The following HLA-DRB5 variants were observed in gnomAD, a reference collection of about 807,000 sequenced individuals.
HLA-DRB5 encodes major histocompatibility complex, class II, DR beta 5.
In HLA-DRB5, 11 loss-of-function variants were observed where a neutral mutation model predicts 22.4. The ratio of observed to expected loss-of-function variants is 0.49; its 90% CI spans 0.31 to 0.81. HLA-DRB5 has a LOEUF of 0.81. HLA-DRB5 is among the 40% of genes least tolerant of loss of function. The pLI, the probability that HLA-DRB5 is intolerant of heterozygous loss-of-function variation, is 0.05. For missense variants in HLA-DRB5, 106 were observed against 274.4 expected (o/e 0.39, Z 4.34); for synonymous variants, 57 against 106.0 (o/e 0.54, Z 2.84).
chr6:32,523,100 ATGC>A (rs1417797653), intron 1 of HLA-DRB5, among the ~76,000 whole-genome samples: 3,956 of 63,952 alleles, frequency 0.062, 5 homozygotes, highest in Middle Eastern at 0.18. Flanking sequence ...TCTGAGATTT[ATGC>A]TAAAGACAGT....
chr6:32,524,271 C>A (rs750543031), intron 1 of HLA-DRB5, among the ~76,000 whole-genome samples: 12,450 of 114,302 alleles, frequency 0.11, 218 homozygotes, highest in African/African-American at 0.16. Context: ...TTACTGATTT[C>A]CTTGCATTAC....
chr6:32,529,804 G>A (rs71549215), intron 1 of HLA-DRB5, among the ~76,000 whole-genome samples: 16,184 of 144,132 alleles, frequency 0.11, 289 homozygotes, highest in Non-Finnish European at 0.11. Context: ...CATAATAAAG[G>A]GAAGTGCTGT....
chr6:32,524,312 T>C (rs1308065704), intron 1 of HLA-DRB5, among the ~76,000 whole-genome samples: 12,054 of 116,128 alleles, frequency 0.1, 2 homozygotes, highest in Admixed American at 0.17. Flanking sequence ...TCATTTGTCT[T>C]TCATATCATC....
chr6:32,525,975 T>C (rs1357519934), intron 1 of HLA-DRB5, among the ~76,000 whole-genome samples: 1,020 of 25,986 alleles, frequency 0.039, 345 homozygotes, highest in East Asian at 0.078. Context: ...AATATTTCCT[T>C]GATAATAATG....
chr6:32,518,452 G>T, intron 4 of HLA-DRB5, 104 bp downstream of exon 4: 1 of 366,876 alleles, frequency 2.7e-6, no homozygotes, highest in Non-Finnish European at 4.7e-6. Context: ...TGGAAAGAAA[G>T]GCTTTATCCA....
rs1241235526 is a variant in HLA-DRB5, at chr6:32,519,563, T to C, written c.459A>G (p.Pro153=). Reference sequence around the variant, plus strand: ...GGAACCACCTGACTTCAATGCTGCCTGGATAGAAACCATTCACAGAGCAGA... The same window carrying C: ...GGAACCACCTGACTTCAATGCTGCCCGGATAGAAACCATTCACAGAGCAGA... ...LLVCSVNGFY[P]GSIEVRWFRN... The change falls in exon 3 of 6, where the codon CCA becomes CCG. Residue 153 remains proline, a synonymous_variant. Coordinates refer to ENST00000374975, the MANE Select transcript of HLA-DRB5 (RefSeq NM_002125.4). 1 of 1,432,422 alleles carries C rather than the reference T, an allele frequency of 7.0e-7. No individual in the cohort carries two copies. The highest frequency in any genetic ancestry group is 9.5e-7 in the Non-Finnish European group (1 of 1,058,038). 88.7% of individuals were successfully genotyped at this position (1,432,422 alleles called of 1,614,324 possible).
At chr6:32,518,452 G>A (rs1481288282) in intron 4 of HLA-DRB5, 104 bp downstream of exon 4, 2 of 366,872 alleles carry the variant, frequency 5.5e-6, no homozygotes, top group East Asian at 4.3e-5. Context: ...TGGAAAGAAA[G>A]GCTTTATCCA....
chr6:32,528,346 G>T (rs1303555070), intron 1 of HLA-DRB5, among the ~76,000 whole-genome samples: 1 of 103,188 alleles, frequency 9.7e-6, no homozygotes, highest in African/African-American at 3.9e-5. Context: ...TGAGAGTCGG[G>T]ACCCTCTCTA....
rs149201127 is a variant in HLA-DRB5 at position 32,521,671 on chromosome 6, C to T, written c.370+234G>A. ...GATAAGAAGAAGCCCCCTCCTGCTT[C>T]CCCTCCCACAAAGGCCACAAAGACA... is the stretch of plus-strand genomic sequence containing the variant. On this transcript the variant is annotated intron_variant, in intron 2 of 5. Coordinates refer to ENST00000374975, the MANE Select transcript of HLA-DRB5 (RefSeq NM_002125.4). 2.4e-3 allele frequency among the ~76,000 whole-genome samples: 105 copies of T among 43,722 alleles called. 2 individuals are homozygous for T. The highest frequency in any genetic ancestry group is 4.5e-3 in the South Asian group (8 of 1,782). The allele number at this position is 43,722 out of a possible 152,430, so 28.7% of individuals were successfully genotyped here.
At chr6:32,528,916 C>T in intron 1 of HLA-DRB5, among the ~76,000 whole-genome samples, 1 of 129,244 alleles carries the variant, frequency 7.7e-6, no homozygotes, top group African/African-American at 2.8e-5. Context: ...GCATTACAGC[C>T]TGGGTGACAG....
At chr6:32,525,897 T>TTA (rs1769553880) in intron 1 of HLA-DRB5, among the ~76,000 whole-genome samples, 1 of 41,806 alleles carries the variant, frequency 2.4e-5, no homozygotes, top group African/African-American at 8.9e-5. Flanking sequence ...CTAATAAATA[T>TTA]GGGCTGTGTG....
At chr6:32,519,322 T>A (rs201023386) in intron 3 of HLA-DRB5, 48 bp downstream of exon 3, 1 of 533,612 alleles carries the variant, frequency 1.9e-6, no homozygotes, top group Admixed American at 5.9e-5. Flanking sequence ...ATTAGTAAAG[T>A]TTGCTTCTTG....
At chr6:32,529,324 T>C in intron 1 of HLA-DRB5, among the ~76,000 whole-genome samples, 1 of 49,544 alleles carries the variant, frequency 2.0e-5, no homozygotes, top group Non-Finnish European at 4.2e-5. Flanking sequence ...GTTAGTTGAA[T>C]CTCTTCCTGT....
intron 1 of HLA-DRB5, among the ~76,000 whole-genome samples, chr6:32,525,261 A>T (rs570494819): frequency 0.012 from 349 of 29,806 alleles, 47 homozygotes; most frequent in Middle Eastern, 0.026. Flanking sequence ...CCATAAGCCT[A>T]TTTGTAATCT....
At chr6:32,525,217 T>A (rs1302360050) in intron 1 of HLA-DRB5, among the ~76,000 whole-genome samples, 3,027 of 33,874 alleles carry the variant, frequency 0.089, 713 homozygotes, top group Middle Eastern at 0.17. Context: ...TGAATTGAAA[T>A]ATGACCTCTT....
At chr6:32,520,758 A>ATAAATTTTGCAATATATTTGATTAAAT (rs1562429416) in intron 2 of HLA-DRB5, among the ~76,000 whole-genome samples, 4 of 49,160 alleles carry the variant, frequency 8.1e-5, no homozygotes, top group South Asian at 5.0e-4. Flanking sequence ...AACCATTAAT[A>ATAAATTTTGCAATATATTTGATTAAAT]AAAGTTTTGG....
chr6:32,522,968 T>TGAA (rs1230750329), intron 1 of HLA-DRB5, among the ~76,000 whole-genome samples: 8,546 of 111,506 alleles, frequency 0.077, 340 homozygotes, highest in Admixed American at 0.13. Context: ...TTGATGAACT[T>TGAA]CTTCAAGAAA....
At chr6:32,524,839 G>GTTAAATTTGGACTTTCA (rs1179331390) in intron 1 of HLA-DRB5, among the ~76,000 whole-genome samples, 4 of 62,260 alleles carry the variant, frequency 6.4e-5, no homozygotes, top group Non-Finnish European at 9.6e-5. Context: ...AGGATGCCCA[G>GTTAAATTTGGACTTTCA]GTAAATCTGG....
intron 1 of HLA-DRB5, among the ~76,000 whole-genome samples, chr6:32,528,425 C>G (rs116232911): frequency 0.43 from 39,055 of 91,274 alleles, 6,173 homozygotes; most frequent in Admixed American, 0.48. Context: ...ATAAAAATAA[C>G]TGTGGTTTAT....
Sources: allele counts gnomAD v4.1 joint callset (sites outside exome capture counted in the v4.1 genomes callset), GRCh38; gene constraint gnomAD v4.1.1; transcripts MANE v1.5; gene names NCBI Gene and HGNC (gene_info 2026-07-23, HGNC 2026-07-21).